Variants in PTPRO observed in about 807,000 individuals in gnomAD.
PTPRO encodes the protein protein tyrosine phosphatase receptor type O.
In PTPRO, 62 loss-of-function variants were observed where a neutral mutation model predicts 145.2. That is an observed-to-expected ratio of 0.43 (90% CI 0.35 to 0.53). The LOEUF is 0.53. Ranked by LOEUF, PTPRO falls within the 20% of genes least tolerant of loss-of-function variation. The probability of loss-of-function intolerance (pLI) is 0.01; values close to 1 mark genes in which losing one functional copy is unlikely to be tolerated. For synonymous variants in PTPRO, 565 were observed against 514.7 expected (o/e 1.10, Z -1.32); for missense variants, 1,345 against 1,482.7 (o/e 0.91, Z 1.53).
intron 1 of PTPRO, among the ~76,000 whole-genome samples, chr12:15,460,839 A>C (rs1176867629): frequency 2.6e-5 from 4 of 152,196 alleles, no homozygotes; most frequent in African/African-American, 9.6e-5. Flanking sequence ...AGAAGTTGGC[A>C]TAACCTGTGC....
chr12:15,357,810 T>C lies in PTPRO; in HGVS notation c.75+35009T>C, dbSNP rs1417898175. 6.0e-5 allele frequency among the ~76,000 whole-genome samples: 9 copies of C among 149,484 alleles called. No individual in the cohort carries two copies. The East Asian group carries it at 7.8e-4, about 13-fold the overall frequency. On this transcript the variant is annotated intron_variant, in intron 1 of 26. Transcript: ENST00000281171. ...GTGGGACTGTAAACTAGTTCAACCATTGTGGAAGTCAGTGTGGTGATTCCT... is the reference window on the plus strand; with the variant it reads ...GTGGGACTGTAAACTAGTTCAACCACTGTGGAAGTCAGTGTGGTGATTCCT...
intron 1 of PTPRO, among the ~76,000 whole-genome samples, chr12:15,379,683 A>G (rs1938799621): frequency 6.6e-6 from 1 of 152,154 alleles, no homozygotes; most frequent in Non-Finnish European, 1.5e-5. Context: ...GCCAATCACA[A>G]AAGTACTTAT....
chr12:15,584,396 G>A (rs558651304), intron 23 of PTPRO, among the ~76,000 whole-genome samples: 9 of 152,298 alleles, frequency 5.9e-5, no homozygotes, highest in Non-Finnish European at 1.2e-4. Flanking sequence ...AGGTTTGCAC[G>A]TAGTAGAAAA....
chr12:15,477,268 G>A (rs961088406), intron 1 of PTPRO, among the ~76,000 whole-genome samples: 5 of 127,782 alleles, frequency 3.9e-5, no homozygotes, highest in South Asian at 2.9e-4. Flanking sequence ...ACCAAACACC[G>A]CATATTCTCA....
intron 1 of PTPRO, among the ~76,000 whole-genome samples, chr12:15,446,852 G>A (rs998790799): frequency 5.3e-5 from 8 of 152,032 alleles, no homozygotes; most frequent in East Asian, 1.9e-4. Flanking sequence ...GCAGGGAGCC[G>A]TTGAGGAAAA....
intron 1 of PTPRO, among the ~76,000 whole-genome samples, chr12:15,478,570 A>G (rs253840): frequency 0.02 from 3,009 of 152,318 alleles, 114 homozygotes; most frequent in East Asian, 0.14. Flanking sequence ...GGAAGGGAGA[A>G]GAAGCAGTTA....
chr12:15,393,130 C>A (rs774930952), intron 1 of PTPRO, among the ~76,000 whole-genome samples: 1 of 152,130 alleles, frequency 6.6e-6, no homozygotes, highest in Non-Finnish European at 1.5e-5. Context: ...CTATTGTTAT[C>A]TTTGAAGTTC....
intron 21 of PTPRO, 118 bp from the exon 22 acceptor site, chr12:15,580,579 T>G (rs937895309): frequency 3.8e-5 from 45 of 1,180,856 alleles, no homozygotes; most frequent in Non-Finnish European, 4.0e-5. Flanking sequence ...TACATAGGTG[T>G]GTGATCCTTT....
chr12:15,326,445 T>A (rs1300718017), intron 1 of PTPRO, among the ~76,000 whole-genome samples: 14 of 152,224 alleles, frequency 9.2e-5, no homozygotes, highest in Non-Finnish European at 1.5e-4. Context: ...TTCTTTGTTT[T>A]GTGAGAGACT....
intron 1 of PTPRO, among the ~76,000 whole-genome samples, chr12:15,324,336 A>G (rs1049448889): frequency 6.6e-6 from 1 of 152,232 alleles, no homozygotes; most frequent in Admixed American, 6.5e-5. Flanking sequence ...TCATAATGAG[A>G]TAATTCCAGA....
At chr12:15,587,156 T>A in intron 24 of PTPRO, 105 bp downstream of exon 24, 1 of 1,261,230 alleles carries the variant, frequency 7.9e-7, no homozygotes, top group Non-Finnish European at 1.1e-6. Context: ...GAAAATTAAA[T>A]AAACTCTGAT....
In PTPRO at chr12:15,507,453, G is replaced by A. The variant is rs201889165; in HGVS notation, c.1268-1118G>A. On this transcript the variant is annotated intron_variant, in intron 6 of 26. Transcript: ENST00000281171. ...AATAAATAAATAAATAAATAAATAAGGAATGAAATACGTAACACATAAAAA... is the reference window on the plus strand; with the variant it reads ...AATAAATAAATAAATAAATAAATAAAGAATGAAATACGTAACACATAAAAA... Among the ~76,000 whole-genome samples the A allele has an allele frequency of 4.1e-3, 349 of 85,168 alleles. 1 individual carries two copies. The highest frequency in any genetic ancestry group is 0.038 in the East Asian group (82 of 2,138). 55.9% of individuals were successfully genotyped at this position (85,168 alleles called of 152,430 possible).
At chr12:15,549,975 A>G (rs1436308482) in intron 14 of PTPRO, among the ~76,000 whole-genome samples, 4 of 152,124 alleles carry the variant, frequency 2.6e-5, no homozygotes, top group African/African-American at 9.7e-5. Flanking sequence ...AGGACAAAAA[A>G]TATACCTGCA....
rs536188640 is a variant in PTPRO, at chr12:15,460,578, A to C, written c.76-23396A>C. Among the ~76,000 whole-genome samples, 16 of 152,330 alleles carry C rather than the reference A, an allele frequency of 1.1e-4. 1 individual carries two copies. Among genetic ancestry groups the C allele is most frequent in the African/African-American group, 3.8e-4 (16 of 41,576 alleles). ...TTTACAAGTCCAGCAATTCATCTAA[A>C]TGCCCAATTTGCCCTGTAGCTCTAC... is the stretch of plus-strand genomic sequence containing the variant. On this transcript the variant is annotated intron_variant, in intron 1 of 26. Coordinates refer to ENST00000281171, the MANE Select transcript of PTPRO (RefSeq NM_030667.3).
At chr12:15,364,395 G>C (rs1042957073) in intron 1 of PTPRO, among the ~76,000 whole-genome samples, 2 of 152,100 alleles carry the variant, frequency 1.3e-5, no homozygotes, top group African/African-American at 4.8e-5. Context: ...ACTCTCACAG[G>C]ACTGTCAGGT....
rs775757109 is a variant in PTPRO, at chr12:15,595,052, G to A, written c.*11G>A. ...GTTAGCAAGTCCTAGTTCAGAATCC[G>A]GAGCAGTAAGTGGAGAAGAGCTCTC... is the stretch of plus-strand genomic sequence containing the variant. On this transcript the variant is annotated 3_prime_UTR_variant, in exon 26 of 27. Coordinates refer to ENST00000281171, the MANE Select transcript of PTPRO (RefSeq NM_030667.3). 5.9e-5 allele frequency: 95 copies of A among 1,598,628 alleles called. No individual in the cohort carries two copies. The highest frequency in any genetic ancestry group is 5.0e-4 in the Middle Eastern group (3 of 6,060).
intron 16 of PTPRO, 87 bp downstream of exon 16, chr12:15,557,610 T>A: frequency 1.7e-6 from 2 of 1,174,394 alleles, no homozygotes; most frequent in Non-Finnish European, 2.6e-6. Flanking sequence ...TTGGGGATAG[T>A]TTTGTCTGAT....
Position 15,500,000 on chromosome 12 carries a change from G to A in PTPRO, c.661+406G>A, listed in dbSNP as rs530519939. Among the ~76,000 whole-genome samples the A allele has an allele frequency of 8.5e-5, 13 of 152,202 alleles. 2 individuals carry two copies. Among genetic ancestry groups the A allele is most frequent in the African/African-American group, 3.1e-4 (13 of 41,530 alleles). On this transcript the variant is annotated intron_variant, in intron 4 of 26. Transcript: ENST00000281171. ...TTCAAATGTATCTAAAACTTGCGGT[G>A]CTTGATTTTAGTAGCACCACTAATA...
rs528108882 is a variant in PTPRO, at chr12:15,327,780, T to C, written c.75+4979T>C. Among the ~76,000 whole-genome samples, 10 of 152,206 alleles carry C rather than the reference T, an allele frequency of 6.6e-5. No homozygotes were observed. In the East Asian group the frequency reaches 1.5e-3, roughly 24 times the overall value. On this transcript the variant is annotated intron_variant, in intron 1 of 26. Transcript: ENST00000281171. ...TGGATTGGGATGAGTGTGAATGGGT[T>C]CCTTCTCTCCTGGTGCTGTTGACTC...
Sources: allele counts gnomAD v4.1 joint callset (sites outside exome capture counted in the v4.1 genomes callset), GRCh38; gene constraint gnomAD v4.1.1; transcripts MANE v1.5; gene names NCBI Gene and HGNC (gene_info 2026-07-23, HGNC 2026-07-21).